The following SPMIP3 variants were observed in gnomAD, a reference collection of about 807,000 sequenced individuals.
SPMIP3 encodes the protein sperm microtubule inner protein 3, also known as protein SPMIP3.
At chr1:244,371,062 A>T in the SPMIP3 span, among the ~76,000 whole-genome samples, 6 of 152,072 alleles carry the variant, frequency 3.9e-5, no homozygotes, top group Admixed American at 3.9e-4. Flanking sequence ...GGAGGGACCG[A>T]CACCTCTGGC....
chr1:244,358,410 C>A, the SPMIP3 span, among the ~76,000 whole-genome samples: 1 of 151,834 alleles, frequency 6.6e-6, no homozygotes, highest in African/African-American at 2.4e-5. Context: ...ATGGAGAAAT[C>A]CTGTTCTCTA....
At chr1:244,352,950 G>C in the SPMIP3 span, among the ~76,000 whole-genome samples, 6 of 152,126 alleles carry the variant, frequency 3.9e-5, no homozygotes, top group Non-Finnish European at 8.8e-5. Context: ...TTAACTCAAC[G>C]TGTCTTTTTT....
At chr1:244,378,580 A>T in the SPMIP3 span, 1 of 1,614,098 alleles carries the variant, frequency 6.2e-7, no homozygotes, top group African/African-American at 1.3e-5. Flanking sequence ...AAGCCTGCCG[A>T]GCCATGGTAT....
At chr1:244,367,982 A>G in the SPMIP3 span, among the ~76,000 whole-genome samples, 3 of 151,986 alleles carry the variant, frequency 2.0e-5, no homozygotes, top group Non-Finnish European at 2.9e-5. Context: ...TTTTTTTGAG[A>G]CAAAGTCTTG....
the SPMIP3 span, chr1:244,364,738 G>A: frequency 9.6e-5 from 155 of 1,613,900 alleles, no homozygotes; most frequent in Middle Eastern, 1.6e-4. Flanking sequence ...ATTGAGCGTC[G>A]CCCAGTGATC....
chr1:244,362,115 TA>T, the SPMIP3 span, among the ~76,000 whole-genome samples: 1 of 152,238 alleles, frequency 6.6e-6, no homozygotes, highest in Non-Finnish European at 1.5e-5. Context: ...TAATGCTGTT[TA>T]AAATCTTCAA....
At chr1:244,372,309 A>G in the SPMIP3 span, among the ~76,000 whole-genome samples, 1 of 152,210 alleles carries the variant, frequency 6.6e-6, no homozygotes, top group East Asian at 1.9e-4. Context: ...AGCATAGTGC[A>G]GGGTGTTTTG....
chr1:244,353,634 C>G, the SPMIP3 span, among the ~76,000 whole-genome samples: 6 of 152,050 alleles, frequency 3.9e-5, no homozygotes, highest in Non-Finnish European at 8.8e-5. Context: ...AGAAGAGAGG[C>G]CTCCTAGGGA....
the SPMIP3 span, among the ~76,000 whole-genome samples, chr1:244,387,853 C>T: frequency 2.6e-5 from 4 of 151,566 alleles, no homozygotes; most frequent in Non-Finnish European, 4.4e-5. Context: ...GGGTGACTCC[C>T]AGGTTTCTAG....
the SPMIP3 span, among the ~76,000 whole-genome samples, chr1:244,384,765 AAAC>A: frequency 2.0e-5 from 3 of 152,210 alleles, no homozygotes; most frequent in East Asian, 1.9e-4. Context: ...ATGATTGTAT[AAAC>A]AACAATAGGC....
At chr1:244,358,457 T>A in the SPMIP3 span, among the ~76,000 whole-genome samples, 1 of 151,460 alleles carries the variant, frequency 6.6e-6, no homozygotes, top group African/African-American at 2.4e-5. Context: ...TGGTGGCGCA[T>A]GTCTGTAATA....
chr1:244,380,593 TAGGCGGTAGGA>T, the SPMIP3 span, among the ~76,000 whole-genome samples: 1 of 152,134 alleles, frequency 6.6e-6, no homozygotes, highest in Non-Finnish European at 1.5e-5. Context: ...GTCACACAGC[TAGGCGGTAGGA>T]GAAGCAGAAT....
At chr1:244,386,413 C>A in the SPMIP3 span, among the ~76,000 whole-genome samples, 1 of 152,170 alleles carries the variant, frequency 6.6e-6, no homozygotes, top group Non-Finnish European at 1.5e-5. Flanking sequence ...ACACTTTCTT[C>A]TCATAGCATC....
At chr1:244,380,005 G>A in the SPMIP3 span, among the ~76,000 whole-genome samples, 3 of 151,724 alleles carry the variant, frequency 2.0e-5, no homozygotes, top group Admixed American at 6.6e-5. Flanking sequence ...GCTCCCCGAC[G>A]TATAGGACCT....
chr1:244,369,290 A>G, the SPMIP3 span, among the ~76,000 whole-genome samples: 1 of 152,262 alleles, frequency 6.6e-6, no homozygotes, highest in Non-Finnish European at 1.5e-5. Flanking sequence ...TGAAAAGATC[A>G]CTTTAAGTGG....
chr1:244,378,247 T>C, the SPMIP3 span, among the ~76,000 whole-genome samples: 1 of 151,902 alleles, frequency 6.6e-6, no homozygotes, highest in Admixed American at 6.6e-5. Flanking sequence ...CTAGGACCTG[T>C]CATTGGAGAG....
the SPMIP3 span, among the ~76,000 whole-genome samples, chr1:244,383,900 A>C: frequency 6.6e-6 from 1 of 152,114 alleles, no homozygotes; most frequent in Non-Finnish European, 1.5e-5. Context: ...ACTGTTGAAA[A>C]GTTTTAAGGA....
At chr1:244,364,083 A>G in the SPMIP3 span, among the ~76,000 whole-genome samples, 1 of 151,776 alleles carries the variant, frequency 6.6e-6, no homozygotes, top group East Asian at 1.9e-4. Flanking sequence ...CCCAGCTAAC[A>G]TTAGCACAGT....
At chr1:244,372,586 G>A in the SPMIP3 span, among the ~76,000 whole-genome samples, 1 of 152,038 alleles carries the variant, frequency 6.6e-6, no homozygotes, top group Non-Finnish European at 1.5e-5. Context: ...TGGGACTACA[G>A]GTGCCCGCCA....
Sources: allele counts gnomAD v4.1 joint callset (sites outside exome capture counted in the v4.1 genomes callset), GRCh38; gene constraint gnomAD v4.1.1; transcripts MANE v1.5; gene names NCBI Gene and HGNC (gene_info 2026-07-23, HGNC 2026-07-21).